The following PAFAH1B1 variants were observed in gnomAD, a reference collection of about 807,000 sequenced individuals.
PAFAH1B1 encodes platelet activating factor acetylhydrolase 1b regulatory subunit 1.
In PAFAH1B1, 2 loss-of-function variants were observed where a neutral mutation model predicts 57.5. The ratio of observed to expected loss-of-function variants is 0.03; its 90% CI spans 0.01 to 0.11. The LOEUF (loss-of-function observed/expected upper bound fraction) is 0.11. Among genes scored for constraint, PAFAH1B1 ranks in the 10% least tolerant of loss-of-function variants. The pLI is 1.00. For missense variants in PAFAH1B1, 257 were observed against 512.0 expected, an observed-to-expected ratio of 0.50 and a Z score of 4.81; for synonymous variants, 152 against 169.6, an observed-to-expected ratio of 0.90 and a Z score of 0.81.
chr17:2,623,826 A>T (rs1414375762), intron 1 of PAFAH1B1, among the ~76,000 whole-genome samples: 1 of 150,096 alleles, frequency 6.7e-6, no homozygotes, highest in Non-Finnish European at 1.5e-5. Context: ...TTTAGTAGAG[A>T]TGGGGTTTCA....
At chr17:2,659,803 C>T (rs2068991258) in intron 2 of PAFAH1B1, among the ~76,000 whole-genome samples, 1 of 152,142 alleles carries the variant, frequency 6.6e-6, no homozygotes, top group African/African-American at 2.4e-5. Flanking sequence ...CCACTGCACT[C>T]CAGCCTGGGT....
chr17:2,620,144 T>C (rs1407748789), intron 1 of PAFAH1B1, among the ~76,000 whole-genome samples: 1 of 152,172 alleles, frequency 6.6e-6, no homozygotes, highest in Non-Finnish European at 1.5e-5. Context: ...CAGAAGAAAG[T>C]GCGTAATCTC....
At chr17:2,637,775 T>C (rs1217921179) in intron 1 of PAFAH1B1, among the ~76,000 whole-genome samples, 1 of 152,212 alleles carries the variant, frequency 6.6e-6, no homozygotes, top group Admixed American at 6.5e-5. Context: ...TTACTTTTTG[T>C]CTCTAAGAGA....
chr17:2,625,540 G>A (rs1463298527), intron 1 of PAFAH1B1, among the ~76,000 whole-genome samples: 3 of 152,142 alleles, frequency 2.0e-5, no homozygotes, highest in African/African-American at 7.2e-5. Context: ...TGAAAATATT[G>A]CCTGATTTAT....
intron 2 of PAFAH1B1, among the ~76,000 whole-genome samples, chr17:2,644,620 G>A (rs2068742902): frequency 6.6e-6 from 1 of 152,164 alleles, no homozygotes; most frequent in African/African-American, 2.4e-5. Flanking sequence ...TATTCAACCA[G>A]TCTCCCGTGT....
chr17:2,667,565 C>T, intron 5 of PAFAH1B1: 2 of 263,332 alleles, frequency 7.6e-6, no homozygotes, highest in South Asian at 8.3e-5. Flanking sequence ...AGTACATCAC[C>T]TTGTGCTTGA....
chr17:2,654,292 CAATT>C (rs2068907866), intron 2 of PAFAH1B1, among the ~76,000 whole-genome samples: 1 of 149,940 alleles, frequency 6.7e-6, no homozygotes, highest in Admixed American at 6.7e-5. Flanking sequence ...CAGGTTCAAT[CAATT>C]CTCCTGCCTC....
intron 5 of PAFAH1B1, among the ~76,000 whole-genome samples, chr17:2,667,855 T>A (rs2069128702): frequency 6.6e-6 from 1 of 151,930 alleles, no homozygotes; most frequent in African/African-American, 2.4e-5. Context: ...TGTGCTTTTT[T>A]AATTAGGAAA....
At chr17:2,675,042 C>T (rs2151668633) in intron 8 of PAFAH1B1, among the ~76,000 whole-genome samples, 1 of 152,272 alleles carries the variant, frequency 6.6e-6, no homozygotes, top group South Asian at 2.1e-4. Flanking sequence ...CACTCTGTTG[C>T]CCAGGCTGGA....
At chr17:2,643,775 G>A (rs1484788552) in intron 2 of PAFAH1B1, among the ~76,000 whole-genome samples, 1 of 152,020 alleles carries the variant, frequency 6.6e-6, no homozygotes, top group African/African-American at 2.4e-5. Flanking sequence ...TGGCCAGGCT[G>A]GTCTCAAGCT....
At chr17:2,679,596 G>A (rs2069342357) in intron 9 of PAFAH1B1, 1 of 129,428 alleles carries the variant, frequency 7.7e-6, no homozygotes, top group East Asian at 2.1e-4. Flanking sequence ...ATAGATAGAT[G>A]GGTGGGTGGG....
intron 6 of PAFAH1B1, 90 bp downstream of exon 6, chr17:2,670,421 A>T (rs1389204522): frequency 3.4e-6 from 4 of 1,189,240 alleles, no homozygotes; most frequent in Non-Finnish European, 5.0e-6. Context: ...GTGTTCCTTT[A>T]TTCACCTCTT....
At chr17:2,629,835 C>A (rs992155040) in intron 1 of PAFAH1B1, among the ~76,000 whole-genome samples, 1 of 152,142 alleles carries the variant, frequency 6.6e-6, no homozygotes, top group Non-Finnish European at 1.5e-5. Context: ...TATTATATAA[C>A]GTCCCTCTTT....
intron 2 of PAFAH1B1, among the ~76,000 whole-genome samples, chr17:2,646,254 AAG>A (rs144312437): frequency 1.6e-4 from 25 of 152,314 alleles, no homozygotes; most frequent in African/African-American, 6.0e-4. Flanking sequence ...CAGTTTTTTA[AAG>A]AGAAAATTTA....
chr17:2,626,534 G>T (rs932290391), intron 1 of PAFAH1B1, among the ~76,000 whole-genome samples: 28 of 123,874 alleles, frequency 2.3e-4, no homozygotes, highest in Non-Finnish European at 3.3e-4. Flanking sequence ...TGACAAACTT[G>T]AACCGGCATC....
At chr17:2,624,522 G>C (rs2068464219) in intron 1 of PAFAH1B1, among the ~76,000 whole-genome samples, 2 of 152,296 alleles carry the variant, frequency 1.3e-5, no homozygotes, top group South Asian at 4.1e-4. Flanking sequence ...TTACATGTCA[G>C]GGGCAAGAGA....
intron 1 of PAFAH1B1, among the ~76,000 whole-genome samples, chr17:2,623,412 C>A (rs2068449097): frequency 6.6e-6 from 1 of 151,622 alleles, no homozygotes; most frequent in African/African-American, 2.4e-5. Flanking sequence ...GTGACCACCA[C>A]CACACCCGGC....
Position 2,681,883 on chromosome 17 carries a change from TTAAA to T in PAFAH1B1, c.*88_*91del. 1 of 950,924 alleles carries T rather than the reference TTAAA, an allele frequency of 1.1e-6. No individual in the cohort carries two copies. Among genetic ancestry groups the T allele is most frequent in the South Asian group, 1.5e-5 (1 of 68,444 alleles). 58.9% of individuals were successfully genotyped at this position (950,924 alleles called of 1,614,324 possible). A position where few individuals can be genotyped will look rare whatever the true frequency, so the allele number is the denominator to read the frequency against. On this transcript the variant is annotated 3_prime_UTR_variant, in exon 11 of 11. Transcript: ENST00000397195. The stretch of plus-strand genomic sequence containing the variant: ...CCATGGTTACCCCATTGAGCTCTGT[TTAAA>T]TAAATATTGTCCTTTCATGTAAATT...
chr17:2,600,266 G>T (rs535554078), intron 1 of PAFAH1B1, among the ~76,000 whole-genome samples: 2 of 151,294 alleles, frequency 1.3e-5, no homozygotes, highest in East Asian at 4.0e-4. Flanking sequence ...TTAATCTAAG[G>T]TAAAGATAGA....
Sources: gnomAD v4.1 joint callset for allele counts (sites outside exome capture counted in the v4.1 genomes callset) on GRCh38, gnomAD v4.1.1 for gene constraint, MANE v1.5 for transcripts, NCBI Gene and HGNC (gene_info 2026-07-23, HGNC 2026-07-21) for gene names.